Variants in MRGPRX3 observed in about 807,000 individuals in gnomAD.
The protein encoded by MRGPRX3 is MAS related GPR family member X3.
Under a neutral mutation model 16.5 loss-of-function variants are expected in MRGPRX3, and 14 were observed. The observed-to-expected ratio is 0.85, with a 90% CI of 0.56 to 1.33. The LOEUF (loss-of-function observed/expected upper bound fraction) is 1.33. Among genes scored for constraint, MRGPRX3 ranks in the 40% most tolerant of loss-of-function variants. MRGPRX3 has a pLI of 0.00. For missense variants in MRGPRX3, 449 were observed against 413.0 expected, an observed-to-expected ratio of 1.09 and a Z score of -0.76; for synonymous variants, 199 against 180.1, an observed-to-expected ratio of 1.10 and a Z score of -0.84.
chr11:18,138,391 T>C lies in MRGPRX3; in HGVS notation c.*220T>C, dbSNP rs111567050. 94,157 of 593,338 alleles carry C rather than the reference T, an allele frequency of 0.16. 8,667 individuals carry two copies. Among genetic ancestry groups the C allele is most frequent in the African/African-American group, 0.28 (14,847 of 53,552 alleles). The allele number at this position is 593,338 out of a possible 1,614,324, so 36.8% of individuals were successfully genotyped here. A position where few individuals can be genotyped will look rare whatever the true frequency, so the allele number is the denominator to read the frequency against. On this transcript the variant is annotated 3_prime_UTR_variant, in exon 2 of 2. Transcript: ENST00000621697. ...TTTGGATTCTCCTTGATATTACCAA[T>C]ACATTTTCCCTGTTATCTTGCACTG...
chr11:18,134,310 T>A (rs1177138402), intron 1 of MRGPRX3, among the ~76,000 whole-genome samples: 1 of 152,206 alleles, frequency 6.6e-6, no homozygotes, highest in Non-Finnish European at 1.5e-5. Context: ...ATCTACAGAT[T>A]CAACAAACTA....
intron 1 of MRGPRX3, among the ~76,000 whole-genome samples, 189 bp downstream of exon 1, chr11:18,132,928 T>TC (rs1044727124): frequency 6.6e-6 from 1 of 152,118 alleles, no homozygotes. Context: ...CTAAATGGTG[T>TC]CCCCCCTTCT....
At chr11:18,128,162 G>A (rs1166075214), upstream of MRGPRX3, among the ~76,000 whole-genome samples, 2 of 152,226 alleles carry the variant, frequency 1.3e-5, no homozygotes, top group East Asian at 3.9e-4. Flanking sequence ...CTGGCCATGT[G>A]AGGTGTCAGT....
At chr11:18,125,126 T>C (rs1472987863) in intron 1 of MRGPRX3, among the ~76,000 whole-genome samples, 2 of 150,832 alleles carry the variant, frequency 1.3e-5, no homozygotes, top group African/African-American at 2.4e-5. Flanking sequence ...TTGTTGATCT[T>C]TTCAAAAAAA....
chr11:18,129,342 T>C (rs1486844885), upstream of MRGPRX3, among the ~76,000 whole-genome samples: 1 of 152,162 alleles, frequency 6.6e-6, no homozygotes, highest in Non-Finnish European at 1.5e-5. Flanking sequence ...CAATTAGGAA[T>C]GAAACAAGAG....
chr11:18,137,965 C>G lies in MRGPRX3; in HGVS notation c.763C>G (p.Leu255Val). The G allele has an allele frequency of 6.2e-7, 1 of 1,614,180 alleles. No individual in the cohort carries two copies. Among genetic ancestry groups the G allele is most frequent in the Non-Finnish European group, 8.5e-7 (1 of 1,180,028 alleles). Residue 255 changes from leucine to valine, a missense_variant, in exon 2 of 2, where the codon CTA becomes GTA. Transcript: ENST00000621697. The part of the protein sequence containing the change: ...DWKVLFCHVH[L>V]VSIFLSALNS... ...GAAAGTCTTATTTTGTCATGTGCAT[C>G]TAGTTTCCATTTTCCTGTCCGCTCT...
intron 1 of MRGPRX3, among the ~76,000 whole-genome samples, chr11:18,126,668 T>A (rs1848900287): frequency 6.6e-6 from 1 of 151,618 alleles, no homozygotes; most frequent in South Asian, 2.1e-4. Context: ...CCGTTCCCAG[T>A]GTGTGATGTT....
chr11:18,131,442 T>C (rs1354631376), upstream of MRGPRX3, among the ~76,000 whole-genome samples: 1 of 152,094 alleles, frequency 6.6e-6, no homozygotes, highest in Non-Finnish European at 1.5e-5. Flanking sequence ...ATGCTTAACA[T>C]CACTAATGAT....
intron 1 of MRGPRX3, among the ~76,000 whole-genome samples, chr11:18,121,863 G>T (rs560962910): frequency 4.6e-5 from 7 of 151,984 alleles, no homozygotes; most frequent in Admixed American, 4.6e-4. Context: ...CAAACACTGC[G>T]GAAGGCCTCA....
chr11:18,137,433 C>T lies in MRGPRX3; in HGVS notation c.231C>T (p.Ser77=), dbSNP rs752938397. The change falls in exon 2 of 2, where the codon AGC becomes AGT. Residue 77 remains serine, a synonymous_variant. Transcript: ENST00000621697. ...NLVAADFLFL[S]GHIICSPLRL... The stretch of plus-strand genomic sequence containing the variant: ...TCGCGGCCGACTTCCTCTTCCTTAG[C>T]GGCCACATTATATGTTCGCCGTTAC... 97 of 1,614,054 alleles carry T rather than the reference C, an allele frequency of 6.0e-5. 1 individual carries two copies. The Admixed American group carries it at 1.0e-3, about 17-fold the overall frequency.
intron 1 of MRGPRX3, among the ~76,000 whole-genome samples, chr11:18,134,769 A>G (rs1298304072): frequency 6.6e-6 from 1 of 152,186 alleles, no homozygotes; most frequent in Admixed American, 6.5e-5. Flanking sequence ...GAGGGGAAGG[A>G]GAGGCTTTGC....
chr11:18,121,766 A>C (rs373899616), intron 1 of MRGPRX3, among the ~76,000 whole-genome samples: 12 of 152,156 alleles, frequency 7.9e-5, no homozygotes, highest in East Asian at 1.9e-4. Flanking sequence ...AAGGGCGGTG[A>C]AAGATGTGCT....
chr11:18,134,928 T>C (rs1403854498), intron 1 of MRGPRX3, among the ~76,000 whole-genome samples: 1 of 152,200 alleles, frequency 6.6e-6, no homozygotes, highest in Non-Finnish European at 1.5e-5. Flanking sequence ...AGAAAGGTTA[T>C]GTGACCAAAA....
upstream of MRGPRX3, among the ~76,000 whole-genome samples, chr11:18,129,032 A>G (rs1408604203): frequency 6.6e-6 from 1 of 152,242 alleles, no homozygotes; most frequent in Non-Finnish European, 1.5e-5. Flanking sequence ...CCTCTGAAAT[A>G]CAGCAAAAGT....
intron 1 of MRGPRX3, among the ~76,000 whole-genome samples, chr11:18,134,649 A>G (rs1848992811): frequency 6.6e-6 from 1 of 152,214 alleles, no homozygotes; most frequent in East Asian, 1.9e-4. Context: ...AGCATCATAC[A>G]TCAGAATTCC....
At chr11:18,123,183 T>G (rs1223857194) in intron 1 of MRGPRX3, among the ~76,000 whole-genome samples, 1 of 152,232 alleles carries the variant, frequency 6.6e-6, no homozygotes, top group Non-Finnish European at 1.5e-5. Flanking sequence ...CAGAAGCTCT[T>G]TAGTTTCATT....
At chr11:18,125,492 A>G (rs1848884927) in intron 1 of MRGPRX3, among the ~76,000 whole-genome samples, 1 of 151,858 alleles carries the variant, frequency 6.6e-6, no homozygotes, top group African/African-American at 2.4e-5. Context: ...CATGTAGTTG[A>G]GCGTTTTTGA....
chr11:18,132,446 G>A (rs1160520838), upstream of MRGPRX3: 1 of 152,192 alleles, frequency 6.6e-6, no homozygotes, highest in African/African-American at 2.4e-5. Flanking sequence ...GACGTGATAG[G>A]AGAGGCTTAA....
chr11:18,138,288 AG>A lies in MRGPRX3; in HGVS notation c.*119del. The A allele has an allele frequency of 1.4e-6, 2 of 1,478,064 alleles. No individual in the cohort carries two copies. Among genetic ancestry groups the A allele is most frequent in the Non-Finnish European group, 1.8e-6 (2 of 1,102,912 alleles). 91.6% of individuals were successfully genotyped at this position (1,478,064 alleles called of 1,614,324 possible). On this transcript the variant is annotated 3_prime_UTR_variant, in exon 2 of 2. Coordinates refer to ENST00000621697, the MANE Select transcript of MRGPRX3 (RefSeq NM_001370464.1). ...TCAGAAATGTCTCAGTGGTCCCTCAAGGTCTTCGAATAGATGTTTATCTAAC... is the reference window on the plus strand; with the variant it reads ...TCAGAAATGTCTCAGTGGTCCCTCAAGTCTTCGAATAGATGTTTATCTAAC...
Sources: gnomAD v4.1 joint callset for allele counts (sites outside exome capture counted in the v4.1 genomes callset) on GRCh38, gnomAD v4.1.1 for gene constraint, MANE v1.5 for transcripts, NCBI Gene and HGNC (gene_info 2026-07-23, HGNC 2026-07-21) for gene names.